ITGA11: variants seen among roughly 807,000 people sequenced by gnomAD.
The protein encoded by ITGA11 is integrin subunit alpha 11.
In ITGA11, 97 loss-of-function variants were observed where a neutral mutation model predicts 141.9. That is an observed-to-expected ratio of 0.68 (90% CI 0.58 to 0.81). ITGA11 has a LOEUF of 0.81. ITGA11 is among the 30% of genes least tolerant of loss of function. The pLI, the probability that ITGA11 is intolerant of heterozygous loss-of-function variation, is 0.00. For synonymous variants in ITGA11, 658 were observed against 624.6 expected (o/e 1.05, Z -0.80); for missense variants, 1,387 against 1,559.2 (o/e 0.89, Z 1.86).
chr15:68,369,384 GAGGGTGGGA>G, intron 2 of ITGA11, 100 bp from the exon 3 acceptor site: 1 of 614,436 alleles, frequency 1.6e-6, no homozygotes, highest in Non-Finnish European at 3.0e-6. Context: ...GTTGGGTGGG[GAGGGTGGGA>G]GGGAACCCTG....
intron 20 of ITGA11, among the ~76,000 whole-genome samples, chr15:68,319,399 A>G (rs1893714495): frequency 6.6e-6 from 1 of 152,250 alleles, no homozygotes; most frequent in African/African-American, 2.4e-5. Flanking sequence ...ATGGTCACCA[A>G]GTGGGAGCAG....
intron 21 of ITGA11, 66 bp downstream of exon 21, chr15:68,317,199 T>TCC: frequency 8.7e-7 from 1 of 1,150,716 alleles, no homozygotes; most frequent in Non-Finnish European, 1.3e-6. Flanking sequence ...CTTGCCGCCC[T>TCC]CCCCAAACTA....
chr15:68,432,148 G>C lies in ITGA11; in HGVS notation c.-82C>G. On this transcript the variant is annotated 5_prime_UTR_variant, in exon 1 of 30. Transcript: ENST00000315757. Reference sequence around the variant, plus strand: ...AGAGCGGCAGCCTCCTCGGCGCGGCGCCTGCAGCCTGCACTGCGCGGGGCG... The same window carrying C: ...AGAGCGGCAGCCTCCTCGGCGCGGCCCCTGCAGCCTGCACTGCGCGGGGCG... 9.5e-7 allele frequency: 1 copy of C among 1,051,740 alleles called. No homozygotes were observed. Among genetic ancestry groups the C allele is most frequent in the South Asian group, 3.1e-5 (1 of 32,670 alleles). The allele number at this position is 1,051,740 out of a possible 1,614,324, so 65.2% of individuals were successfully genotyped here.
rs1047429771 is a variant in ITGA11 at position 68,326,553 on chromosome 15, G to C, written c.2211+101C>G. On this transcript the variant is annotated intron_variant, in intron 17 of 29. Transcript: ENST00000315757. This position sits in a 1 kb window ranked among gnomAD's most constrained non-coding sequence, Gnocchi z 6.8. The stretch of plus-strand genomic sequence containing the variant: ...GTCCCTGGCTGGCTTCCTGAGGTCT[G>C]CTGGGGGCTTAGAACCAGCCAGGCA... 1.5e-6 allele frequency: 2 copies of C among 1,354,316 alleles called. No homozygotes were observed. Among genetic ancestry groups the C allele is most frequent in the African/African-American group, 1.5e-5 (1 of 68,814 alleles). The allele number at this position is 1,354,316 out of a possible 1,614,324, so 83.9% of individuals were successfully genotyped here.
chr15:68,345,394 T>C (rs1422077163), intron 10 of ITGA11, among the ~76,000 whole-genome samples: 1 of 152,090 alleles, frequency 6.6e-6, no homozygotes. Flanking sequence ...TGGAATGTAA[T>C]GTTTTGGGGC....
chr15:68,316,902 C>T (rs922067897), intron 21 of ITGA11, among the ~76,000 whole-genome samples: 5 of 152,338 alleles, frequency 3.3e-5, no homozygotes, highest in East Asian at 1.9e-4. Context: ...TAGGTACTCA[C>T]GAAATGGTAG....
chr15:68,329,146 G>T (rs1263935141), intron 15 of ITGA11, among the ~76,000 whole-genome samples: 1 of 152,132 alleles, frequency 6.6e-6, no homozygotes, highest in East Asian at 1.9e-4. Flanking sequence ...TTTGAGTCTT[G>T]GCTCCACGGG....
rs1357150380 is a variant in ITGA11, at chr15:68,325,246, G to A, written c.2212-5C>T. ...CTTCACGTAGTCAGCAGTGTCCTGGGGGGTGGAGATGAGGGCAGCGGTGAG... is the reference window on the plus strand; with the variant it reads ...CTTCACGTAGTCAGCAGTGTCCTGGAGGGTGGAGATGAGGGCAGCGGTGAG... On this transcript the variant is annotated splice_region_variant and splice_polypyrimidine_tract_variant and intron_variant, in intron 17 of 29. Coordinates refer to ENST00000315757, the MANE Select transcript of ITGA11 (RefSeq NM_001004439.2). The surrounding 1 kb of genome is among the most constrained non-coding windows in gnomAD (Gnocchi z 5.5). The A allele has an allele frequency of 6.2e-7, 1 of 1,605,322 alleles. No homozygotes were observed. The highest frequency in any genetic ancestry group is 1.7e-5 in the Admixed American group (1 of 60,012).
chr15:68,387,707 G>T (rs1896020037), intron 2 of ITGA11, among the ~76,000 whole-genome samples: 1 of 152,078 alleles, frequency 6.6e-6, no homozygotes, highest in Non-Finnish European at 1.5e-5. Flanking sequence ...GCTGTGAGCT[G>T]CCCAGCCCGG....
Position 68,350,556 on chromosome 15 carries a change from CG to C in ITGA11, c.1060+60del. On this transcript the variant is annotated intron_variant, in intron 9 of 29. Coordinates refer to ENST00000315757, the MANE Select transcript of ITGA11 (RefSeq NM_001004439.2). ...TTTTGTGGGATTGGTTTGTGCTCTA[CG>C]GGGTTTACCTGACATAAGCCCAGGA... 3 of 1,508,850 alleles carry C rather than the reference CG, an allele frequency of 2.0e-6. No individual in the cohort carries two copies. The Admixed American group carries it at 5.8e-5, about 29-fold the overall frequency. 93.5% of individuals were successfully genotyped at this position (1,508,850 alleles called of 1,614,324 possible). A position where few individuals can be genotyped will look rare whatever the true frequency, so the allele number is the denominator to read the frequency against.
In ITGA11 at chr15:68,297,485, A is replaced by G. The variant is rs531042273; in HGVS notation, c.*5574T>C. The G allele has an allele frequency of 1.4e-5, 2 of 145,356 alleles. No individual in the cohort carries two copies. The highest frequency in any genetic ancestry group is 1.4e-4 in the Admixed American group (2 of 14,728). The allele number at this position is 145,356 out of a possible 1,614,324, so 9.0% of individuals were successfully genotyped here. ...AAGAAAGCTATGTCTGGTTAGGTAA[A>G]TCATACACCTGTATCCAGAGTTTTG... is the stretch of plus-strand genomic sequence containing the variant. On this transcript the variant is annotated 3_prime_UTR_variant, in exon 30 of 30. Coordinates refer to ENST00000315757, the MANE Select transcript of ITGA11 (RefSeq NM_001004439.2).
At position 68,300,361 on chromosome 15, in the gene ITGA11, A is replaced by G. The variant is rs1477460125; in HGVS notation, c.*2698T>C. 6.6e-6 allele frequency: 1 copy of G among 152,214 alleles called. No homozygotes were observed. Among genetic ancestry groups the G allele is most frequent in the Non-Finnish European group, 1.5e-5 (1 of 68,034 alleles). The allele number at this position is 152,214 out of a possible 1,614,324, so 9.4% of individuals were successfully genotyped here. ...TACCTGTTGATTGCAACTCTCAGCC[A>G]TTAGAGTCATCTGGGGAAGTTGGAA... is the stretch of plus-strand genomic sequence containing the variant. On this transcript the variant is annotated 3_prime_UTR_variant, in exon 30 of 30. Coordinates refer to ENST00000315757, the MANE Select transcript of ITGA11 (RefSeq NM_001004439.2).
At chr15:68,330,088 C>T (rs760756454) in intron 15 of ITGA11, among the ~76,000 whole-genome samples, 19 of 152,358 alleles carry the variant, frequency 1.2e-4, no homozygotes, top group African/African-American at 3.6e-4. Context: ...TGCTCTCTTC[C>T]GGCTTCACTT....
chr15:68,399,884 C>T (rs1356808124), intron 2 of ITGA11, among the ~76,000 whole-genome samples: 2 of 152,004 alleles, frequency 1.3e-5, no homozygotes, highest in Non-Finnish European at 2.9e-5. Flanking sequence ...ATCACTTGTA[C>T]CCCAAACCTC....
intron 2 of ITGA11, among the ~76,000 whole-genome samples, chr15:68,386,404 T>C (rs1293439569): frequency 6.6e-6 from 1 of 152,186 alleles, no homozygotes; most frequent in African/African-American, 2.4e-5. Flanking sequence ...TTTCCATGTC[T>C]GGCCACACAG....
chr15:68,362,990 G>T (rs1303796210), intron 4 of ITGA11, among the ~76,000 whole-genome samples: 1 of 151,642 alleles, frequency 6.6e-6, no homozygotes, highest in African/African-American at 2.4e-5. Context: ...ATGACAGATG[G>T]ATGATGGATG....
At chr15:68,339,673 C>T (rs1177256778) in intron 10 of ITGA11, 29 bp from the exon 11 acceptor site, 1 of 1,611,838 alleles carries the variant, frequency 6.2e-7, no homozygotes, top group Non-Finnish European at 8.5e-7. Flanking sequence ...CACACATCAG[C>T]ACCTGTCCTC....
intron 2 of ITGA11, among the ~76,000 whole-genome samples, chr15:68,378,367 G>A (rs1895779041): frequency 6.6e-6 from 1 of 152,132 alleles, no homozygotes; most frequent in Non-Finnish European, 1.5e-5. Flanking sequence ...TCTTGAAGCT[G>A]GGCATGGTGG....
At chr15:68,428,033 C>A (rs996364559) in intron 1 of ITGA11, among the ~76,000 whole-genome samples, 1 of 152,080 alleles carries the variant, frequency 6.6e-6, no homozygotes, top group Non-Finnish European at 1.5e-5. Context: ...TCAGCCAGAG[C>A]CCATCACTGC....
Sources: allele counts gnomAD v4.1 joint callset (sites outside exome capture counted in the v4.1 genomes callset), GRCh38; gene constraint gnomAD v4.1.1; non-coding constraint Gnocchi (gnomAD v3.1); transcripts MANE v1.5; gene names NCBI Gene and HGNC (gene_info 2026-07-23, HGNC 2026-07-21).